Variants in CLIC5 observed in about 807,000 individuals in gnomAD.
The protein encoded by CLIC5 is CLIC family member 5.
A neutral mutation model predicts 24.7 loss-of-function variants in CLIC5; 20 were observed. That is an observed-to-expected ratio of 0.81 (90% CI 0.57 to 1.18). The LOEUF (loss-of-function observed/expected upper bound fraction) is 1.18, where lower values mean the gene tolerates loss of function less well. CLIC5 is among the 50% of genes most tolerant of loss of function. CLIC5 has a pLI of 0.00. For missense variants in CLIC5, 341 were observed against 326.1 expected (o/e 1.05, Z -0.35); for synonymous variants, 159 against 135.6 (o/e 1.17, Z -1.20).
At chr6:45,982,204 C>A (rs1371086616) in intron 1 of CLIC5, among the ~76,000 whole-genome samples, 3 of 152,002 alleles carry the variant, frequency 2.0e-5, no homozygotes, top group African/African-American at 7.3e-5. Flanking sequence ...GGACACCTAA[C>A]CATGCAGGGG....
chr6:45,960,966 T>C (rs998690705), intron 1 of CLIC5, among the ~76,000 whole-genome samples: 2 of 152,210 alleles, frequency 1.3e-5, no homozygotes, highest in African/African-American at 4.8e-5. Flanking sequence ...TATGTCATGG[T>C]TACTCTTTTA....
At chr6:46,105,185 T>C in the CLIC5 span, among the ~76,000 whole-genome samples, 2 of 152,186 alleles carry the variant, frequency 1.3e-5, no homozygotes, top group Non-Finnish European at 2.9e-5. Context: ...ACTCCTTTCT[T>C]TGAGCTGTCT....
chr6:46,012,262 A>G (rs748553676), intron 1 of CLIC5, among the ~76,000 whole-genome samples: 23 of 152,212 alleles, frequency 1.5e-4, no homozygotes, highest in Non-Finnish European at 3.2e-4. Flanking sequence ...CCTGAAAGTT[A>G]AATAATTTGT....
chr6:46,022,319 C>T (rs937643062), intron 1 of CLIC5, among the ~76,000 whole-genome samples: 1 of 152,164 alleles, frequency 6.6e-6, no homozygotes, highest in Non-Finnish European at 1.5e-5. Context: ...ATGTACCTAG[C>T]AGTACTCAGT....
upstream of CLIC5, among the ~76,000 whole-genome samples, chr6:46,019,679 C>CGA (rs1767120031): frequency 8.2e-6 from 1 of 122,476 alleles, no homozygotes; most frequent in African/African-American, 3.2e-5. Context: ...GGCGACAGAG[C>CGA]GAGACTCCGT....
At chr6:46,052,859 G>A (rs1768143203) in intron 1 of CLIC5, among the ~76,000 whole-genome samples, 1 of 151,950 alleles carries the variant, frequency 6.6e-6, no homozygotes. Flanking sequence ...TCTCTTTCTG[G>A]CATCTGGAGA....
intron 5 of CLIC5, 120 bp downstream of exon 5, chr6:45,914,108 T>C: frequency 1.3e-6 from 1 of 758,814 alleles, no homozygotes; most frequent in Non-Finnish European, 1.9e-6. Context: ...CCTTATTACC[T>C]GACTTCAGGG....
Position 45,927,713 on chromosome 6 carries a change from T to C in CLIC5, c.407-13304A>G, listed in dbSNP as rs1455978181. Among the ~76,000 whole-genome samples, 3 of 152,146 alleles carry C rather than the reference T, an allele frequency of 2.0e-5. No homozygotes were observed. The East Asian group carries it at 5.8e-4, about 29-fold the overall frequency. On this transcript the variant is annotated intron_variant, in intron 4 of 5. Coordinates refer to ENST00000339561, the MANE Select transcript of CLIC5 (RefSeq NM_016929.5). ...TTGCTGCCCCTAGAGACTCAAAGTG[T>C]TTTTTCCCTTGTCACATCTCTAAAA...
At chr6:46,126,855 T>C in the CLIC5 span, among the ~76,000 whole-genome samples, 2 of 152,204 alleles carry the variant, frequency 1.3e-5, no homozygotes. Flanking sequence ...ACTTCTGACC[T>C]TCTCCTGGCC....
the CLIC5 span, among the ~76,000 whole-genome samples, chr6:46,086,417 A>C: frequency 6.6e-6 from 1 of 152,206 alleles, no homozygotes; most frequent in African/African-American, 2.4e-5. Flanking sequence ...TAAGTGATAG[A>C]TAAGTGGACA....
At chr6:45,920,989 G>A (rs552810477) in intron 4 of CLIC5, among the ~76,000 whole-genome samples, 4 of 152,278 alleles carry the variant, frequency 2.6e-5, no homozygotes, top group Non-Finnish European at 5.9e-5. Flanking sequence ...TCAGGTTTTA[G>A]AAATGAGTCA....
chr6:45,974,518 T>G (rs1397676771), intron 1 of CLIC5, among the ~76,000 whole-genome samples: 13 of 84,124 alleles, frequency 1.5e-4, no homozygotes, highest in South Asian at 5.7e-4. Flanking sequence ...TATATATATA[T>G]ATATAGAGAG....
intron 1 of CLIC5, among the ~76,000 whole-genome samples, chr6:46,069,503 T>G (rs908028812): frequency 6.6e-6 from 1 of 151,822 alleles, no homozygotes; most frequent in Non-Finnish European, 1.5e-5. Context: ...CTCCCAAGAC[T>G]GAACCAGGAA....
chr6:45,947,931 T>A (rs139634979), intron 3 of CLIC5, among the ~76,000 whole-genome samples: 1 of 152,196 alleles, frequency 6.6e-6, no homozygotes, highest in African/African-American at 2.4e-5. Context: ...GCTGACTGAA[T>A]ATGGATGACA....
At chr6:46,029,109 A>G (rs1767427031) in intron 1 of CLIC5, among the ~76,000 whole-genome samples, 1 of 152,128 alleles carries the variant, frequency 6.6e-6, no homozygotes, top group Non-Finnish European at 1.5e-5. Context: ...AGTAATATAC[A>G]TTTACGGTTC....
intron 4 of CLIC5, among the ~76,000 whole-genome samples, chr6:45,932,404 G>C (rs2127352556): frequency 6.6e-6 from 1 of 152,360 alleles, no homozygotes; most frequent in Middle Eastern, 3.4e-3. Flanking sequence ...ACCATGCCCG[G>C]CCTAATTGTA....
At chr6:46,054,403 C>T (rs1768190310) in intron 1 of CLIC5, among the ~76,000 whole-genome samples, 1 of 152,196 alleles carries the variant, frequency 6.6e-6, no homozygotes, top group South Asian at 2.1e-4. Flanking sequence ...GTCTTAGCTG[C>T]TACTCAAAGG....
chr6:45,886,927 G>A (rs1762310373), intron 6 of CLIC5, among the ~76,000 whole-genome samples: 1 of 152,212 alleles, frequency 6.6e-6, no homozygotes, highest in African/African-American at 2.4e-5. Flanking sequence ...GATGCTACCT[G>A]TGTCCACTCA....
At chr6:45,972,767 C>CAACAATCGG (rs1258498133) in intron 1 of CLIC5, among the ~76,000 whole-genome samples, 1 of 152,208 alleles carries the variant, frequency 6.6e-6, no homozygotes, top group African/African-American at 2.4e-5. Flanking sequence ...CCTCATACAG[C>CAACAATCGG]AACAATCGGA....
Sources: allele counts gnomAD v4.1 joint callset (sites outside exome capture counted in the v4.1 genomes callset), GRCh38; gene constraint gnomAD v4.1.1; transcripts MANE v1.5; gene names NCBI Gene and HGNC (gene_info 2026-07-23, HGNC 2026-07-21).